Variants in NAALADL2 observed in about 807,000 individuals in gnomAD.
The protein encoded by NAALADL2 is inactive N-acetylated-alpha-linked acidic dipeptidase-like protein 2.
A neutral mutation model predicts 87.2 loss-of-function variants in NAALADL2; 76 were observed. That is an observed-to-expected ratio of 0.87 (90% CI 0.72 to 1.05). The LOEUF (loss-of-function observed/expected upper bound fraction) is 1.05, where lower values mean the gene tolerates loss of function less well. NAALADL2 is among the 50% of genes least tolerant of loss of function. NAALADL2 has a pLI of 0.00. For synonymous variants in NAALADL2, 354 were observed against 331.0 expected, an observed-to-expected ratio of 1.07 and a Z score of -0.75; for missense variants, 1,089 against 945.8, an observed-to-expected ratio of 1.15 and a Z score of -1.99.
chr3:175,601,069 G>A (rs1027056284), intron 10 of NAALADL2, among the ~76,000 whole-genome samples: 33 of 151,696 alleles, frequency 2.2e-4, no homozygotes, highest in Admixed American at 8.5e-4. Flanking sequence ...GTTTTTTTCC[G>A]CTTAGAAAAG....
intron 11 of NAALADL2, among the ~76,000 whole-genome samples, chr3:175,628,006 T>G (rs1222921704): frequency 6.6e-6 from 1 of 151,778 alleles, no homozygotes; most frequent in Non-Finnish European, 1.5e-5. Context: ...ACCGCATTGA[T>G]AGTAAGAAAG....
intron 2 of NAALADL2, among the ~76,000 whole-genome samples, chr3:175,206,521 C>T (rs1740945142): frequency 6.6e-6 from 1 of 151,210 alleles, no homozygotes; most frequent in Non-Finnish European, 1.5e-5. Context: ...CATGAGGACA[C>T]ATAAGAGTGA....
intron 2 of NAALADL2, among the ~76,000 whole-genome samples, chr3:175,165,014 C>G (rs1022706023): frequency 6.6e-6 from 1 of 152,146 alleles, no homozygotes; most frequent in South Asian, 2.1e-4. Context: ...TACTGCACAC[C>G]GCTCTGGGCC....
intron 9 of NAALADL2, among the ~76,000 whole-genome samples, chr3:175,491,318 T>G (rs955727498): frequency 6.6e-6 from 1 of 151,764 alleles, no homozygotes; most frequent in Non-Finnish European, 1.5e-5. Context: ...TTTTTTGTTT[T>G]CATTGGATTT....
chr3:174,528,563 T>C (rs1427383689), intron 1 of NAALADL2, among the ~76,000 whole-genome samples: 1 of 152,074 alleles, frequency 6.6e-6, no homozygotes, highest in South Asian at 2.1e-4. Flanking sequence ...GAGGTGGAGG[T>C]TGCAGTGAGC....
chr3:175,341,206 T>C (rs1021924172), intron 5 of NAALADL2, among the ~76,000 whole-genome samples: 1 of 152,158 alleles, frequency 6.6e-6, no homozygotes, highest in African/African-American at 2.4e-5. Context: ...CACTGCTTTC[T>C]ATAAATTCCC....
At chr3:175,379,885 G>A (rs1767589835) in intron 5 of NAALADL2, among the ~76,000 whole-genome samples, 1 of 152,168 alleles carries the variant, frequency 6.6e-6, no homozygotes, top group South Asian at 2.1e-4. Context: ...GTGGAAGGTT[G>A]TGTATGTTTA....
intron 1 of NAALADL2, among the ~76,000 whole-genome samples, chr3:174,903,952 AATATCTATATCT>A (rs143384708): frequency 6.6e-6 from 1 of 150,386 alleles, no homozygotes; most frequent in Non-Finnish European, 1.5e-5. Flanking sequence ...GCCAGAAAGG[AATATCTATATCT>A]ATATCTATAT....
In NAALADL2 at chr3:175,573,980, GC is replaced by G. The variant is rs1336389603; in HGVS notation, c.1654-2060del. On this transcript the variant is annotated intron_variant, in intron 9 of 13. Coordinates refer to ENST00000454872, the MANE Select transcript of NAALADL2 (RefSeq NM_207015.3). The stretch of plus-strand genomic sequence containing the variant: ...TGTCTGTAAACTGAAACCCTGACTT[GC>G]TTGTAAAGGTTCATACTGGCTTTCC... Among the ~76,000 whole-genome samples, 4 of 152,110 alleles carry G rather than the reference GC, an allele frequency of 2.6e-5. No homozygotes were observed. In the East Asian group the frequency reaches 7.7e-4, roughly 29 times the overall value.
intron 5 of NAALADL2, among the ~76,000 whole-genome samples, chr3:175,434,841 C>A (rs1482897997): frequency 6.6e-6 from 1 of 151,892 alleles, no homozygotes; most frequent in Non-Finnish European, 1.5e-5. Context: ...CCAATTATTC[C>A]AGTTATGAAT....
intron 3 of NAALADL2, among the ~76,000 whole-genome samples, chr3:174,791,575 C>A (rs891211558): frequency 6.6e-6 from 1 of 152,170 alleles, no homozygotes; most frequent in Non-Finnish European, 1.5e-5. Context: ...GTTACAGCAG[C>A]AGTCCAAATG....
At position 175,473,273 on chromosome 3, in the gene NAALADL2, AATG is replaced by A. The variant is rs558949491; in HGVS notation, c.1653+1520_1653+1522del. On this transcript the variant is annotated intron_variant, in intron 9 of 13. Coordinates refer to ENST00000454872, the MANE Select transcript of NAALADL2 (RefSeq NM_207015.3). ...CACAAGTGATGATTGATGATTCACA[AATG>A]ATGACGTACATGTCAACATGTACCT... Among the ~76,000 whole-genome samples the A allele has an allele frequency of 2.1e-3, 321 of 152,262 alleles. 4 individuals are homozygous for A. In the South Asian group the frequency reaches 0.022, roughly 10 times the overall value.
chr3:174,710,828 A>G (rs942787675), intron 2 of NAALADL2, among the ~76,000 whole-genome samples: 4 of 152,202 alleles, frequency 2.6e-5, no homozygotes, highest in Non-Finnish European at 5.9e-5. Flanking sequence ...CCTAGAGCTT[A>G]CAGAGAATTA....
chr3:175,801,849 T>G (rs1206073722), intron 13 of NAALADL2, among the ~76,000 whole-genome samples: 1 of 152,130 alleles, frequency 6.6e-6, no homozygotes, highest in Non-Finnish European at 1.5e-5. Context: ...TAAAGGGGAC[T>G]GTTTTAGACT....
At chr3:175,632,280 C>T (rs1225117762) in intron 11 of NAALADL2, among the ~76,000 whole-genome samples, 2 of 83,782 alleles carry the variant, frequency 2.4e-5, no homozygotes, top group Non-Finnish European at 4.8e-5. Flanking sequence ...CTCTCTCTCT[C>T]TCTCTCTCTC....
intron 1 of NAALADL2, among the ~76,000 whole-genome samples, chr3:174,979,473 T>C (rs945506872): frequency 6.6e-6 from 1 of 151,648 alleles, no homozygotes; most frequent in Admixed American, 6.6e-5. Flanking sequence ...GCCCGGCTAA[T>C]TTTTTGTATT....
rs1043210346 is a variant in NAALADL2, at chr3:174,809,372, G to A, written c.-9+71626G>A. Among the ~76,000 whole-genome samples, 12 of 152,118 alleles carry A rather than the reference G, an allele frequency of 7.9e-5. No homozygotes were observed. In the East Asian group the frequency reaches 2.1e-3, roughly 27 times the overall value. ...GTAGACAATAAAACTTTTGTATAAA[G>A]TATTCAGATATGGCCTAAGATAATA... On this transcript the variant is annotated intron_variant, in intron 3 of 3. Transcript: ENST00000434257.
chr3:175,311,407 C>T (rs186247331), intron 4 of NAALADL2, among the ~76,000 whole-genome samples: 3 of 152,236 alleles, frequency 2.0e-5, no homozygotes, highest in Non-Finnish European at 1.5e-5. Flanking sequence ...AGACACATTT[C>T]TGTCTATTCA....
At chr3:175,333,789 A>T (rs796359401) in intron 5 of NAALADL2, among the ~76,000 whole-genome samples, 4 of 152,254 alleles carry the variant, frequency 2.6e-5, no homozygotes, top group African/African-American at 9.6e-5. Context: ...TATAGTTAAC[A>T]ACAATGTATT....
Sources: gnomAD v4.1 joint callset for allele counts (sites outside exome capture counted in the v4.1 genomes callset) on GRCh38, gnomAD v4.1.1 for gene constraint, MANE v1.5 for transcripts, NCBI Gene and HGNC (gene_info 2026-07-23, HGNC 2026-07-21) for gene names.